Variants in NFIA observed in about 807,000 individuals in gnomAD.
NFIA encodes nuclear factor 1 A-type.
Under a neutral mutation model 62.8 loss-of-function variants are expected in NFIA, and 8 were observed. The observed-to-expected ratio is 0.13, with a 90% CI of 0.07 to 0.23. NFIA has a LOEUF of 0.23. Ranked by LOEUF, NFIA falls within the 10% of genes least tolerant of loss-of-function variation. NFIA has a pLI of 1.00. For missense variants in NFIA, 410 were observed against 642.1 expected (o/e 0.64, Z 3.91); for synonymous variants, 235 against 238.1 (o/e 0.99, Z 0.12).
At chr1:61,227,172 C>G (rs1488570012) in intron 2 of NFIA, among the ~76,000 whole-genome samples, 2 of 152,166 alleles carry the variant, frequency 1.3e-5, no homozygotes, top group Non-Finnish European at 2.9e-5. Flanking sequence ...ATTTTTTTCC[C>G]AAGCCTGTAG....
intron 2 of NFIA, among the ~76,000 whole-genome samples, chr1:61,119,720 T>A (rs528813352): frequency 6.6e-6 from 1 of 152,352 alleles, no homozygotes; most frequent in South Asian, 2.1e-4. Context: ...TATCAAAATG[T>A]GTGTTCATTA....
At chr1:61,124,489 T>C (rs1646936515) in intron 2 of NFIA, among the ~76,000 whole-genome samples, 1 of 152,158 alleles carries the variant, frequency 6.6e-6, no homozygotes, top group Non-Finnish European at 1.5e-5. Flanking sequence ...GATTTTCTAT[T>C]TTGACATGCA....
In NFIA at chr1:61,277,513, T is replaced by C; in HGVS notation, c.560-7T>C. The C allele has an allele frequency of 6.2e-7, 1 of 1,613,682 alleles. No individual in the cohort carries two copies. Among genetic ancestry groups the C allele is most frequent in the Non-Finnish European group, 8.5e-7 (1 of 1,179,702 alleles). Reference sequence around the variant, plus strand: ...GTAATTTTTGGCTGTATTTTTATGTTTTTCAGATTCAAGTCAATCTGAAAG... The same window carrying C: ...GTAATTTTTGGCTGTATTTTTATGTCTTTCAGATTCAAGTCAATCTGAAAG... On this transcript the variant is annotated splice_region_variant and splice_polypyrimidine_tract_variant and intron_variant, in intron 2 of 10. Transcript: ENST00000403491.
chr1:61,159,870 C>T (rs1390470369), intron 2 of NFIA, among the ~76,000 whole-genome samples: 7 of 151,842 alleles, frequency 4.6e-5, no homozygotes, highest in Non-Finnish European at 7.4e-5. Flanking sequence ...TTAGTAGAGA[C>T]GGGGTTTCAC....
intron 7 of NFIA, among the ~76,000 whole-genome samples, chr1:61,403,471 C>A (rs1419229217): frequency 6.6e-6 from 1 of 152,180 alleles, no homozygotes; most frequent in East Asian, 1.9e-4. Flanking sequence ...TGCCTGCTTA[C>A]CCTGTGGGTT....
chr1:61,245,975 C>G (rs1201346360), intron 2 of NFIA, among the ~76,000 whole-genome samples: 1 of 152,004 alleles, frequency 6.6e-6, no homozygotes, highest in East Asian at 1.9e-4. Flanking sequence ...TTGTCTGAAC[C>G]CCATAAACTG....
At chr1:61,134,056 G>A (rs1647131050) in intron 2 of NFIA, among the ~76,000 whole-genome samples, 1 of 151,540 alleles carries the variant, frequency 6.6e-6, no homozygotes, top group South Asian at 2.1e-4. Flanking sequence ...AATCCAGGAG[G>A]CAGAGGTTAC....
intron 2 of NFIA, among the ~76,000 whole-genome samples, chr1:61,249,684 A>C (rs887799825): frequency 9.2e-5 from 14 of 152,120 alleles, no homozygotes; most frequent in African/African-American, 3.4e-4. Context: ...AGTCGCCGGT[A>C]GTCCCAGTTG....
intron 7 of NFIA, among the ~76,000 whole-genome samples, chr1:61,401,022 T>TTGA (rs1665534159): frequency 1.9e-5 from 2 of 107,686 alleles, no homozygotes; most frequent in South Asian, 7.0e-4. Flanking sequence ...TAGCATCTAT[T>TTGA]TAATAATAAC....
chr1:61,329,827 C>G (rs1287807018), intron 3 of NFIA, among the ~76,000 whole-genome samples: 3 of 152,104 alleles, frequency 2.0e-5, no homozygotes, highest in African/African-American at 7.2e-5. Flanking sequence ...TCAGACAGCC[C>G]TGGCTAAAGG....
intron 4 of NFIA, among the ~76,000 whole-genome samples, chr1:61,347,463 G>A (rs761705872): frequency 2.6e-5 from 4 of 152,022 alleles, no homozygotes; most frequent in Non-Finnish European, 4.4e-5. Flanking sequence ...GTGAGCCACC[G>A]TGCCCGGCCC....
chr1:61,272,533 A>G (rs982407382), intron 2 of NFIA, among the ~76,000 whole-genome samples: 3 of 152,184 alleles, frequency 2.0e-5, no homozygotes, highest in Admixed American at 6.5e-5. Context: ...TAAGAACAGA[A>G]TTATTTCTCT....
intron 7 of NFIA, among the ~76,000 whole-genome samples, chr1:61,387,790 C>T (rs1273285417): frequency 6.6e-6 from 1 of 152,194 alleles, no homozygotes; most frequent in Non-Finnish European, 1.5e-5. Flanking sequence ...ACACAGGAGA[C>T]ATTTATCCCC....
intron 2 of NFIA, among the ~76,000 whole-genome samples, chr1:61,156,790 A>T (rs1408295938): frequency 6.6e-6 from 1 of 152,250 alleles, no homozygotes; most frequent in African/African-American, 2.4e-5. Context: ...TCAGATGTTG[A>T]AGAAAGTACC....
intron 2 of NFIA, among the ~76,000 whole-genome samples, chr1:61,136,267 A>G (rs1012685679): frequency 1.3e-5 from 2 of 152,176 alleles, no homozygotes; most frequent in Admixed American, 6.5e-5. Flanking sequence ...TTTCCTGACA[A>G]CTGAAGACTG....
chr1:61,214,398 T>C (rs544916250), intron 2 of NFIA, among the ~76,000 whole-genome samples: 2 of 152,114 alleles, frequency 1.3e-5, no homozygotes, highest in South Asian at 4.1e-4. Flanking sequence ...ATGATGGGAA[T>C]TGGGAGTAGA....
intron 6 of NFIA, among the ~76,000 whole-genome samples, chr1:61,365,031 T>A (rs964275637): frequency 1.8e-4 from 28 of 152,098 alleles, no homozygotes; most frequent in African/African-American, 4.8e-4. Context: ...CAAAAAAAAA[T>A]TTTTAATTAG....
At chr1:61,126,985 G>A (rs1646985752) in intron 2 of NFIA, among the ~76,000 whole-genome samples, 1 of 151,438 alleles carries the variant, frequency 6.6e-6, no homozygotes, top group African/African-American at 2.4e-5. Flanking sequence ...TAGAGATGGG[G>A]TTTCGCCATG....
intron 3 of NFIA, among the ~76,000 whole-genome samples, chr1:61,310,815 CCTCT>C (rs1182249793): frequency 7.0e-6 from 1 of 142,154 alleles, no homozygotes; most frequent in African/African-American, 2.8e-5. Flanking sequence ...TCCTGTATAT[CCTCT>C]CTGAGAGGCC....
Sources: gnomAD v4.1 joint callset for allele counts (sites outside exome capture counted in the v4.1 genomes callset) on GRCh38, gnomAD v4.1.1 for gene constraint, MANE v1.5 for transcripts, NCBI Gene and HGNC (gene_info 2026-07-23, HGNC 2026-07-21) for gene names.